Variants in GALNT12 observed in about 807,000 individuals in gnomAD.
GALNT12 encodes polypeptide N-acetylgalactosaminyltransferase 12.
Under a neutral mutation model 55.5 loss-of-function variants are expected in GALNT12, and 45 were observed. The ratio of observed to expected loss-of-function variants is 0.81; its 90% CI spans 0.64 to 1.04. GALNT12 has a LOEUF of 1.04. Among genes scored for constraint, GALNT12 ranks in the 50% least tolerant of loss-of-function variants. GALNT12 has a pLI of 0.00. For synonymous variants in GALNT12, 304 were observed against 312.2 expected (o/e 0.97, Z 0.28); for missense variants, 709 against 754.8 (o/e 0.94, Z 0.71).
Position 98,831,932 on chromosome 9 carries a change from A to T in GALNT12, c.892A>T (p.Met298Leu), listed in dbSNP as rs1564256037. 6.2e-7 allele frequency: 1 copy of T among 1,614,016 alleles called. No individual in the cohort carries two copies. Among genetic ancestry groups the T allele is most frequent in the Non-Finnish European group, 8.5e-7 (1 of 1,180,000 alleles). The change falls in exon 4 of 10, where the codon ATG becomes TTG. Residue 298 changes from methionine (M) to leucine (L), a missense_variant. Met to Leu is a conservative substitution (Grantham distance 15, BLOSUM62 2). Transcript: ENST00000375011. ...AGTTCCTGAGAGGGAGAGGATACGG[A>T]TGCAATCCCCCGTCGATGTCATCAG... ...HTVPERERIRMQSPVDVIRSP... is the reference protein window; with the variant it reads ...HTVPERERIRLQSPVDVIRSP...
intron 7 of GALNT12, among the ~76,000 whole-genome samples, chr9:98,840,421 C>T (rs1836260014): frequency 6.6e-6 from 1 of 152,092 alleles, no homozygotes; most frequent in African/African-American, 2.4e-5. Flanking sequence ...TAGTTTTTAC[C>T]AACGCCTTAT....
At chr9:98,813,644 CGCCT>C (rs1183849514) in intron 1 of GALNT12, among the ~76,000 whole-genome samples, 2 of 151,888 alleles carry the variant, frequency 1.3e-5, no homozygotes, top group Non-Finnish European at 2.9e-5. Context: ...GGATTATAGG[CGCCT>C]GCCACCATGC....
At chr9:98,844,733 T>C (rs1246145338) in intron 8 of GALNT12, among the ~76,000 whole-genome samples, 4 of 152,030 alleles carry the variant, frequency 2.6e-5, no homozygotes, top group African/African-American at 9.7e-5. Context: ...TGCAAGGTGG[T>C]GTTTAGGGAC....
Position 98,840,110 on chromosome 9 carries a change from G to T in GALNT12, c.1321G>T (p.Asp441Tyr), listed in dbSNP as rs771338633. 6.2e-7 allele frequency: 1 copy of T among 1,613,972 alleles called. No individual in the cohort carries two copies. The highest frequency in any genetic ancestry group is 1.1e-5 in the South Asian group (1 of 91,062). ...GTATCCAGAACTGCATGTGCCTGAG[G>T]ACAGGCCTGGCTTCTTCGGGATGGT... is the stretch of plus-strand genomic sequence containing the variant. ...TVYPELHVPE[D>Y]RPGFFGMLQN... Residue 441 changes from aspartate to tyrosine, a missense_variant, in exon 7 of 10, where the codon GAC becomes TAC. By Grantham distance (160) the Asp-to-Tyr change is radical. This residue lies in a region of GALNT12 where 262 missense variants were observed against 310.7 expected (regional missense o/e 0.84). Transcript: ENST00000375011.
At chr9:98,846,326 C>T (rs893362100) in intron 9 of GALNT12, among the ~76,000 whole-genome samples, 14 of 152,112 alleles carry the variant, frequency 9.2e-5, no homozygotes, top group Non-Finnish European at 1.6e-4. Flanking sequence ...CCCTGGCACA[C>T]GGTGTCATTA....
At chr9:98,823,455 C>T in intron 2 of GALNT12, 30 bp downstream of exon 2, 1 of 1,602,018 alleles carries the variant, frequency 6.2e-7, no homozygotes, top group Non-Finnish European at 8.6e-7. Flanking sequence ...CTGGGAAGAG[C>T]CTGTCCTTCT....
intron 4 of GALNT12, among the ~76,000 whole-genome samples, chr9:98,833,819 G>A (rs563725119): frequency 9.9e-5 from 15 of 152,124 alleles, no homozygotes; most frequent in East Asian, 9.7e-4. Flanking sequence ...GAATTCATGG[G>A]GGTCCATGAA....
At chr9:98,815,998 C>T (rs1375637027) in intron 1 of GALNT12, among the ~76,000 whole-genome samples, 1 of 152,128 alleles carries the variant, frequency 6.6e-6, no homozygotes, top group Non-Finnish European at 1.5e-5. Context: ...AGTAAACACT[C>T]AACAAAGGGT....
In GALNT12 at chr9:98,844,288, A is replaced by G. The variant is rs1426351963; in HGVS notation, c.1458+79A>G. The G allele has an allele frequency of 4.1e-6, 4 of 966,968 alleles. No individual in the cohort carries two copies. The East Asian group carries it at 1.0e-4, about 25-fold the overall frequency. The allele number at this position is 966,968 out of a possible 1,614,324, so 59.9% of individuals were successfully genotyped here. On this transcript the variant is annotated intron_variant, in intron 8 of 9. Transcript: ENST00000375011. ...AATAGTTGAATTTTTTTCTTGTAAA[A>G]GTAATATTTGGGAAATATAAAAAGT... is the stretch of plus-strand genomic sequence containing the variant.
At chr9:98,839,411 C>A (rs1160476317) in intron 6 of GALNT12, among the ~76,000 whole-genome samples, 2 of 152,230 alleles carry the variant, frequency 1.3e-5, no homozygotes, top group African/African-American at 4.8e-5. Flanking sequence ...ATTTGCGATA[C>A]TAAATAGAGG....
intron 3 of GALNT12, among the ~76,000 whole-genome samples, chr9:98,830,253 C>T (rs757830317): frequency 6.6e-6 from 1 of 152,206 alleles, no homozygotes; most frequent in Non-Finnish European, 1.5e-5. Context: ...ACTGTGGACT[C>T]TCCCTAAGGT....
chr9:98,847,877 A>G (rs548182441), intron 9 of GALNT12, among the ~76,000 whole-genome samples: 52 of 148,370 alleles, frequency 3.5e-4, no homozygotes, highest in African/African-American at 1.3e-3. Context: ...CAGGGGTGCA[A>G]TCTCAGCTCA....
chr9:98,827,121 G>A (rs979057164), intron 3 of GALNT12, among the ~76,000 whole-genome samples, 180 bp downstream of exon 3: 1 of 152,224 alleles, frequency 6.6e-6, no homozygotes, highest in African/African-American at 2.4e-5. Flanking sequence ...ATGATTTAGT[G>A]CATGGCAAGT....
At chr9:98,817,014 G>A (rs1835627803) in intron 1 of GALNT12, among the ~76,000 whole-genome samples, 2 of 152,094 alleles carry the variant, frequency 1.3e-5, no homozygotes, top group Admixed American at 6.5e-5. Context: ...TTTTAGTAGA[G>A]ACGGGGTTTC....
At chr9:98,811,225 A>G (rs1835489583) in intron 1 of GALNT12, among the ~76,000 whole-genome samples, 1 of 152,184 alleles carries the variant, frequency 6.6e-6, no homozygotes, top group Non-Finnish European at 1.5e-5. Flanking sequence ...GAACTAGAGA[A>G]AGTAAGGATT....
At chr9:98,835,117 A>G (rs1422677931) in intron 4 of GALNT12, 132 bp from the exon 5 acceptor site, 4 of 767,864 alleles carry the variant, frequency 5.2e-6, no homozygotes, top group Non-Finnish European at 7.2e-6. Flanking sequence ...AGTGTGGGGC[A>G]CAGAGGTGAA....
At chr9:98,820,914 T>C (rs1276737394) in intron 1 of GALNT12, among the ~76,000 whole-genome samples, 1 of 152,230 alleles carries the variant, frequency 6.6e-6, no homozygotes, top group Non-Finnish European at 1.5e-5. Context: ...TTTTCTAAGG[T>C]ATGACAAAAA....
intron 9 of GALNT12, among the ~76,000 whole-genome samples, chr9:98,846,782 G>A (rs761638741): frequency 9.3e-5 from 14 of 150,052 alleles, no homozygotes; most frequent in South Asian, 8.4e-4. Context: ...CACTTGAACC[G>A]GAAGGCGGAG....
In GALNT12 at chr9:98,846,050, C is replaced by T. The variant is rs756649181; in HGVS notation, c.1532C>T (p.Ala511Val). The change falls in exon 9 of 10, where the codon GCA (alanine) becomes GTA (valine). Residue 511 changes from alanine to valine, a missense_variant. By Grantham distance (64) the Ala-to-Val change is moderately conservative (BLOSUM62 0). Around this residue, in one of 5 missense-constraint regions of GALNT12, gnomAD observed 262 missense variants for 310.7 expected, o/e 0.84. Transcript: ENST00000375011. Reference protein sequence around the residue: ...HQPEGCIAVEAGMDTLIMHLC... With the variant: ...HQPEGCIAVEVGMDTLIMHLC... Reference sequence around the variant, plus strand: ...CCTGAGGGCTGCATTGCTGTGGAAGCAGGAATGGATACCCTTATCATGCAT... The same window carrying T: ...CCTGAGGGCTGCATTGCTGTGGAAGTAGGAATGGATACCCTTATCATGCAT... 27 of 1,614,074 alleles carry T rather than the reference C, an allele frequency of 1.7e-5. No individual in the cohort carries two copies. The highest frequency in any genetic ancestry group is 2.3e-5 in the Non-Finnish European group (27 of 1,180,028).
Sources: gnomAD v4.1 joint callset for allele counts (sites outside exome capture counted in the v4.1 genomes callset) on GRCh38, gnomAD v4.1.1 for gene constraint, gnomAD v4.1.1 regional missense constraint, MANE v1.5 for transcripts, NCBI Gene and HGNC (gene_info 2026-07-23, HGNC 2026-07-21) for gene names.